ZFHX3: variants seen among roughly 807,000 people sequenced by gnomAD.
ZFHX3 encodes the protein zinc finger homeobox 3.
A neutral mutation model predicts 279.1 loss-of-function variants in ZFHX3; 42 were observed. That is an observed-to-expected ratio of 0.15 (90% CI 0.12 to 0.19). The LOEUF is 0.19. ZFHX3 is among the 10% of genes least tolerant of loss of function. The probability of loss-of-function intolerance (pLI) is 1.00; values close to 1 mark genes in which losing one functional copy is unlikely to be tolerated. For missense variants in ZFHX3, 4,981 were observed against 4,754.0 expected, an observed-to-expected ratio of 1.05 and a Z score of -1.40; for synonymous variants, 2,293 against 1,957.8, an observed-to-expected ratio of 1.17 and a Z score of -4.52.
At chr16:73,054,024 G>A (rs569597577) in intron 1 of ZFHX3, among the ~76,000 whole-genome samples, 1 of 150,506 alleles carries the variant, frequency 6.6e-6, no homozygotes, top group Non-Finnish European at 1.5e-5. Flanking sequence ...AGGGAGGGGG[G>A]AGGAAAGGGG....
intron 1 of ZFHX3, among the ~76,000 whole-genome samples, chr16:73,726,074 G>T (rs527369303): frequency 4.8e-4 from 73 of 152,326 alleles, no homozygotes; most frequent in Middle Eastern, 3.4e-3. Flanking sequence ...GATTAGCCAT[G>T]GAGAGGAATA....
intron 5 of ZFHX3, among the ~76,000 whole-genome samples, chr16:73,184,633 C>T (rs147736536): frequency 1.3e-5 from 2 of 152,248 alleles, no homozygotes; most frequent in East Asian, 1.9e-4. Flanking sequence ...CCTAGCATTC[C>T]GGCCACCCCA....
rs2054049782 is a variant in ZFHX3, at chr16:73,774,041, G to C, written c.-1607-93801C>G. Among the ~76,000 whole-genome samples the C allele has an allele frequency of 2.0e-5, 3 of 152,040 alleles. No homozygotes were observed. In the South Asian group the frequency reaches 6.2e-4, roughly 32 times the overall value. ...TAGTCCCAGCTACTCGGGAGCTTAG[G>C]CAGGAGGACTGTTTGAGCCCAGGGT... On this transcript the variant is annotated intron_variant, in intron 1 of 17. Transcript: ENST00000641206.
At chr16:73,811,741 G>A (rs897443701) in intron 1 of ZFHX3, among the ~76,000 whole-genome samples, 1 of 151,968 alleles carries the variant, frequency 6.6e-6, no homozygotes, top group Non-Finnish European at 1.5e-5. Flanking sequence ...CACCGCGCCC[G>A]GGCCCCTTCC....
chr16:73,561,784 C>T (rs959316468), intron 2 of ZFHX3, among the ~76,000 whole-genome samples: 1 of 152,078 alleles, frequency 6.6e-6, no homozygotes, highest in African/African-American at 2.4e-5. Context: ...AGTTCTATGA[C>T]AATAATACTA....
chr16:73,470,868 T>G (rs892445683), intron 2 of ZFHX3, among the ~76,000 whole-genome samples: 7 of 152,198 alleles, frequency 4.6e-5, no homozygotes, highest in Admixed American at 4.6e-4. Flanking sequence ...TCTTAGAATA[T>G]AAACTCTCTT....
At chr16:73,515,607 A>G (rs2019507648) in intron 2 of ZFHX3, among the ~76,000 whole-genome samples, 1 of 152,068 alleles carries the variant, frequency 6.6e-6, no homozygotes, top group Non-Finnish European at 1.5e-5. Context: ...AGAGAGGGAG[A>G]GAAAGAGTTG....
intron 2 of ZFHX3, among the ~76,000 whole-genome samples, chr16:73,573,211 C>A (rs2051760033): frequency 1.3e-5 from 2 of 152,176 alleles, no homozygotes; most frequent in South Asian, 2.1e-4. Context: ...GAAGTCCATG[C>A]CTCACTCCCA....
intron 4 of ZFHX3, among the ~76,000 whole-genome samples, chr16:73,308,510 C>T (rs920432905): frequency 1.3e-5 from 2 of 151,740 alleles, no homozygotes; most frequent in African/African-American, 4.8e-5. Context: ...AGGGTGGTCT[C>T]GAACTCCTGA....
intron 5 of ZFHX3, among the ~76,000 whole-genome samples, chr16:73,192,477 G>A (rs7203458): frequency 2.0e-5 from 3 of 151,914 alleles, no homozygotes; most frequent in East Asian, 1.9e-4. Context: ...TGATCACCGG[G>A]TGCCAAAGAA....
chr16:73,532,678 G>C (rs922054134), intron 2 of ZFHX3, among the ~76,000 whole-genome samples: 3 of 152,002 alleles, frequency 2.0e-5, no homozygotes, highest in African/African-American at 7.3e-5. Flanking sequence ...TTTCCTTATT[G>C]TAATGGGAAT....
chr16:73,129,205 C>T (rs1019026394), intron 7 of ZFHX3, among the ~76,000 whole-genome samples: 7 of 152,086 alleles, frequency 4.6e-5, no homozygotes, highest in African/African-American at 1.4e-4. Flanking sequence ...CTGGCCAACA[C>T]GGCGAAATCC....
At chr16:73,717,726 A>G (rs73599960) in intron 1 of ZFHX3, among the ~76,000 whole-genome samples, 3,288 of 152,200 alleles carry the variant, frequency 0.022, 130 homozygotes, top group African/African-American at 0.076. Context: ...GGCTTAGAAG[A>G]CTTAATCCAA....
chr16:73,141,191 A>G (rs1966847012), intron 6 of ZFHX3, among the ~76,000 whole-genome samples: 1 of 152,216 alleles, frequency 6.6e-6, no homozygotes, highest in African/African-American at 2.4e-5. Context: ...TGGTTCAGAA[A>G]TTCAAAGTAC....
chr16:72,836,806 A>G (rs765756696), intron 4 of ZFHX3, among the ~76,000 whole-genome samples: 26 of 152,138 alleles, frequency 1.7e-4, no homozygotes, highest in Non-Finnish European at 3.7e-4. Context: ...AACTAACCCT[A>G]TGGTAGTCCA....
intron 2 of ZFHX3, among the ~76,000 whole-genome samples, chr16:73,511,652 G>A (rs941679540): frequency 5.3e-5 from 8 of 152,088 alleles, no homozygotes; most frequent in African/African-American, 1.7e-4. Flanking sequence ...GGCTCTCTAG[G>A]GCAGCATTTG....
Position 73,157,465 on chromosome 16 carries a change from T to TAAAAA in ZFHX3, c.-1103-13639_-1103-13635dup, listed in dbSNP as rs1297201223. Among the ~76,000 whole-genome samples, 137 of 76,518 alleles carry TAAAAA rather than the reference T, an allele frequency of 1.8e-3. 5 individuals carry two copies. The highest frequency in any genetic ancestry group is 7.6e-3 in the African/African-American group (128 of 16,950). The allele number at this position is 76,518 out of a possible 152,430, so 50.2% of individuals were successfully genotyped here. ...TCCTGGGTGATTTAGGAATGTTTGGTAAAAAAAAAAAAAAAAAAGGCCAGT... is the reference window on the plus strand; with the variant it reads ...TCCTGGGTGATTTAGGAATGTTTGGTAAAAAAAAAAAAAAAAAAAAAAAGGCCAGT... On this transcript the variant is annotated intron_variant, in intron 5 of 17. Coordinates refer to the ZFHX3 transcript ENST00000641206.
intron 1 of ZFHX3, among the ~76,000 whole-genome samples, chr16:73,719,061 T>C (rs1042643028): frequency 1.3e-5 from 2 of 152,224 alleles, no homozygotes; most frequent in East Asian, 3.9e-4. Flanking sequence ...CATGTTCAGC[T>C]ACAACAGGCA....
At chr16:73,202,018 A>G (rs1471601373) in intron 5 of ZFHX3, among the ~76,000 whole-genome samples, 1 of 152,258 alleles carries the variant, frequency 6.6e-6, no homozygotes, top group Non-Finnish European at 1.5e-5. Flanking sequence ...AGAAAACACC[A>G]AGAACATAAA....
Sources: gnomAD v4.1 joint callset for allele counts (sites outside exome capture counted in the v4.1 genomes callset) on GRCh38, gnomAD v4.1.1 for gene constraint, MANE v1.5 for transcripts, NCBI Gene and HGNC (gene_info 2026-07-23, HGNC 2026-07-21) for gene names.